The following RERE variants were observed in gnomAD, a reference collection of about 807,000 sequenced individuals.
The protein encoded by RERE is arginine-glutamic acid dipeptide repeats protein.
Under a neutral mutation model 146.1 loss-of-function variants are expected in RERE, and 40 were observed. The ratio of observed to expected loss-of-function variants is 0.27; its 90% CI spans 0.21 to 0.36. The LOEUF is 0.36. Ranked by LOEUF, RERE falls within the 10% of genes least tolerant of loss-of-function variation. The pLI is 1.00. For missense variants in RERE, 1,933 were observed against 2,138.7 expected (o/e 0.90, Z 1.90); for synonymous variants, 1,003 against 866.0 (o/e 1.16, Z -2.78).
At chr1:8,416,706 G>C in intron 12 of RERE, among the ~76,000 whole-genome samples, 1 of 151,786 alleles carries the variant, frequency 6.6e-6, no homozygotes, top group African/African-American at 2.4e-5. Context: ...ACAAAATCAA[G>C]CCCTAATAGT....
chr1:8,502,772 T>C (rs983786125), intron 8 of RERE, among the ~76,000 whole-genome samples: 1 of 147,952 alleles, frequency 6.8e-6, no homozygotes, highest in Non-Finnish European at 1.5e-5. Flanking sequence ...GGGATCCTGT[T>C]GATCTGTGAC....
rs1214597345 is a variant in RERE at position 8,353,200 on chromosome 1, G to C, written c.*1887C>G. On this transcript the variant is annotated 3_prime_UTR_variant, in exon 23 of 23. Coordinates refer to ENST00000400908, the MANE Select transcript of RERE (RefSeq NM_001042681.2). ...CTCCCTGTGAACAAACTAAAGTTAAGGCAGAAATGGAATGAGAGAAAAATG... is the reference window on the plus strand; with the variant it reads ...CTCCCTGTGAACAAACTAAAGTTAACGCAGAAATGGAATGAGAGAAAAATG... 6.6e-6 allele frequency: 1 copy of C among 152,344 alleles called. No individual in the cohort carries two copies. Among genetic ancestry groups the C allele is most frequent in the East Asian group, 1.9e-4 (1 of 5,202 alleles). The allele number at this position is 152,344 out of a possible 1,614,324, so 9.4% of individuals were successfully genotyped here.
At chr1:8,786,313 G>A in intron 1 of RERE, 4 of 894,106 alleles carry the variant, frequency 4.5e-6, no homozygotes, top group Non-Finnish European at 7.3e-6. Context: ...TAATTTGAAG[G>A]GCCACAGGAA....
At chr1:8,363,981 T>G (rs966782554) in intron 15 of RERE, 75 bp downstream of exon 15, 1 of 1,383,460 alleles carries the variant, frequency 7.2e-7, no homozygotes, top group African/African-American at 1.4e-5. Flanking sequence ...TTCCTCCCCC[T>G]GGGAGGCTCA....
chr1:8,687,432 G>A (rs1349333186), intron 1 of RERE, among the ~76,000 whole-genome samples: 1 of 152,190 alleles, frequency 6.6e-6, no homozygotes, highest in Non-Finnish European at 1.5e-5. Flanking sequence ...AGGCATCTAA[G>A]AAACTGCATA....
chr1:8,365,312 CCA>C (rs1641760827), intron 13 of RERE, among the ~76,000 whole-genome samples: 1 of 152,174 alleles, frequency 6.6e-6, no homozygotes, highest in Non-Finnish European at 1.5e-5. Flanking sequence ...TTGCTACACC[CCA>C]GTTTTTTAGG....
chr1:8,607,012 A>G (rs1290124491), intron 4 of RERE, among the ~76,000 whole-genome samples: 2 of 152,172 alleles, frequency 1.3e-5, no homozygotes, highest in Non-Finnish European at 2.9e-5. Context: ...GAAACATTTA[A>G]TATCCTTGGG....
chr1:8,484,049 A>C (rs924702553), intron 10 of RERE, among the ~76,000 whole-genome samples: 1 of 152,252 alleles, frequency 6.6e-6, no homozygotes, highest in Non-Finnish European at 1.5e-5. Flanking sequence ...ACCTGAGCCC[A>C]AAGAAGGAAA....
chr1:8,365,254 G>A (rs755065151), intron 13 of RERE, among the ~76,000 whole-genome samples: 7 of 152,118 alleles, frequency 4.6e-5, no homozygotes, highest in Admixed American at 1.3e-4. Context: ...CAACACCGGC[G>A]CCCCTCAGGT....
chr1:8,684,754 C>T (rs1012220995), intron 1 of RERE, among the ~76,000 whole-genome samples: 8 of 152,226 alleles, frequency 5.3e-5, no homozygotes, highest in Non-Finnish European at 1.2e-4. Flanking sequence ...TCTTTGCCTC[C>T]TGCAATTGCA....
At chr1:8,497,985 A>G (rs754164746) in intron 8 of RERE, among the ~76,000 whole-genome samples, 14 of 152,254 alleles carry the variant, frequency 9.2e-5, no homozygotes, top group Non-Finnish European at 7.3e-5. Context: ...TCCTATTAGA[A>G]TAGTGTTACT....
intron 1 of RERE, among the ~76,000 whole-genome samples, chr1:8,737,813 T>C (rs2124497696): frequency 6.6e-6 from 1 of 152,270 alleles, no homozygotes; most frequent in African/African-American, 2.4e-5. Flanking sequence ...TTTCCCCTCT[T>C]AAAGATTTCA....
At chr1:8,743,140 A>G (rs1412323861) in intron 1 of RERE, among the ~76,000 whole-genome samples, 1 of 151,962 alleles carries the variant, frequency 6.6e-6, no homozygotes, top group Non-Finnish European at 1.5e-5. Flanking sequence ...TCACACCTAT[A>G]ATCCCAGCAC....
At position 8,436,468 on chromosome 1, in the gene RERE, T is replaced by C. The variant is rs537023917; in HGVS notation, c.1204-13661A>G. 4.6e-5 allele frequency among the ~76,000 whole-genome samples: 7 copies of C among 152,298 alleles called. No homozygotes were observed. In the South Asian group the frequency reaches 1.0e-3, roughly 23 times the overall value. ...TGGCTCCTAAGTTATGTCATTAAAA[T>C]GTTCACCTTTCCTTGGCAAAGTAGA... is the stretch of plus-strand genomic sequence containing the variant. On this transcript the variant is annotated intron_variant, in intron 11 of 22. Coordinates refer to ENST00000400908, the MANE Select transcript of RERE (RefSeq NM_001042681.2).
intron 22 of RERE, 40 bp from the exon 23 acceptor site, chr1:8,355,160 C>T (rs761479479): frequency 6.2e-7 from 1 of 1,609,916 alleles, no homozygotes; most frequent in Non-Finnish European, 8.5e-7. Flanking sequence ...AGTCTCAGGC[C>T]TAGGCAGGCA....
At chr1:8,644,697 T>C (rs1376970112) in intron 2 of RERE, among the ~76,000 whole-genome samples, 1 of 152,190 alleles carries the variant, frequency 6.6e-6, no homozygotes, top group Non-Finnish European at 1.5e-5. Flanking sequence ...TTATGGACTA[T>C]GTTGCCCAGG....
rs555414840 is a variant in RERE, at chr1:8,495,075, A to G, written c.1092T>C (p.Asn364=). The G allele has an allele frequency of 6.2e-7, 1 of 1,612,626 alleles. No homozygotes were observed. Among genetic ancestry groups the G allele is most frequent in the East Asian group, 2.2e-5 (1 of 44,858 alleles). The change falls in exon 10 of 23, where the codon AAT becomes AAC. Residue 364 remains asparagine (N), a synonymous_variant. Coordinates refer to ENST00000400908, the MANE Select transcript of RERE (RefSeq NM_001042681.2). The part of the protein sequence containing the change: ...VAASRDDTTL[N]ALNTLHESGY... Reference sequence around the variant, plus strand: ...TCAAAAGACTTACTGTGTTCAGTGCATTCAGAGTGGTGTCATCCCGAGAGG... The same window carrying G: ...TCAAAAGACTTACTGTGTTCAGTGCGTTCAGAGTGGTGTCATCCCGAGAGG...
intron 1 of RERE, among the ~76,000 whole-genome samples, chr1:8,790,772 G>T (rs1426865138): frequency 6.6e-6 from 1 of 152,208 alleles, no homozygotes; most frequent in African/African-American, 2.4e-5. Context: ...TTTTAGTAGA[G>T]ATGGGTTTTG....
chr1:8,624,148 C>G (rs1245785691), intron 3 of RERE, among the ~76,000 whole-genome samples, 162 bp downstream of exon 3: 1 of 152,210 alleles, frequency 6.6e-6, no homozygotes, highest in Non-Finnish European at 1.5e-5. Context: ...AAAGATGGAA[C>G]TAGTAACCCT....
Sources: gnomAD v4.1 joint callset for allele counts (sites outside exome capture counted in the v4.1 genomes callset) on GRCh38, gnomAD v4.1.1 for gene constraint, MANE v1.5 for transcripts, NCBI Gene and HGNC (gene_info 2026-07-23, HGNC 2026-07-21) for gene names.